Variants in WIPF3 observed in about 807,000 individuals in gnomAD.
The protein encoded by WIPF3 is WAS/WASL-interacting protein family member 3.
WIPF3 carries 33 observed loss-of-function variants against 38.9 expected under a neutral mutation model. The observed-to-expected ratio is 0.85, with a 90% CI of 0.64 to 1.14. The LOEUF is 1.14. Ranked by LOEUF, WIPF3 falls within the 50% of genes most tolerant of loss-of-function variation. The probability of loss-of-function intolerance (pLI) is 0.00; values close to 1 mark genes in which losing one functional copy is unlikely to be tolerated. For synonymous variants in WIPF3, 324 were observed against 269.3 expected (o/e 1.20, Z -1.99); for missense variants, 711 against 652.5 (o/e 1.09, Z -0.98).
At chr7:29,807,405 G>T (rs993534102) in intron 1 of WIPF3, among the ~76,000 whole-genome samples, 1 of 152,206 alleles carries the variant, frequency 6.6e-6, no homozygotes, top group Non-Finnish European at 1.5e-5. Flanking sequence ...TAGGTAGGTG[G>T]CAGAGCAGAT....
At chr7:29,881,569 A>AT (rs1423592214) in intron 4 of WIPF3, among the ~76,000 whole-genome samples, 7 of 152,252 alleles carry the variant, frequency 4.6e-5, no homozygotes, top group South Asian at 2.1e-4. Context: ...ATGAATATAA[A>AT]TATTTTTTTA....
chr7:29,898,070 C>G (rs1786191007), intron 7 of WIPF3, among the ~76,000 whole-genome samples: 1 of 152,220 alleles, frequency 6.6e-6, no homozygotes, highest in South Asian at 2.1e-4. Context: ...GCTTTCTCCC[C>G]TCAGCACCAT....
chr7:29,891,851 G>C (rs1786031390), intron 7 of WIPF3, among the ~76,000 whole-genome samples: 1 of 152,182 alleles, frequency 6.6e-6, no homozygotes, highest in South Asian at 2.1e-4. Context: ...CAGAGAGAGA[G>C]GGTCACAGTT....
intron 1 of WIPF3, among the ~76,000 whole-genome samples, chr7:29,807,997 AG>A (rs766378820): frequency 6.6e-5 from 10 of 152,026 alleles, no homozygotes; most frequent in Non-Finnish European, 8.8e-5. Context: ...AGGTCAGAGG[AG>A]AGGTTGTTTT....
intron 8 of WIPF3, among the ~76,000 whole-genome samples, chr7:29,910,350 T>C (rs1786482991): frequency 6.6e-6 from 1 of 152,156 alleles, no homozygotes; most frequent in Non-Finnish European, 1.5e-5. Context: ...CTGCCAAACG[T>C]TCAAAGAACT....
intron 1 of WIPF3, among the ~76,000 whole-genome samples, chr7:29,809,830 G>T (rs901939482): frequency 1.3e-5 from 2 of 152,216 alleles, no homozygotes; most frequent in Admixed American, 6.5e-5. Context: ...CATTATGTGG[G>T]CCAGGCACTG....
chr7:29,865,415 C>T (rs17374557), intron 2 of WIPF3, among the ~76,000 whole-genome samples: 18,161 of 152,140 alleles, frequency 0.12, 1,192 homozygotes, highest in Middle Eastern at 0.15. Context: ...TTCTTAATAA[C>T]GAGTGGGTAA....
intron 2 of WIPF3, among the ~76,000 whole-genome samples, chr7:29,871,929 T>C (rs539572212): frequency 3.2e-4 from 49 of 152,238 alleles, no homozygotes; most frequent in Non-Finnish European, 5.6e-4. Context: ...GCTGTCTTTT[T>C]TGAAGCTTGC....
chr7:29,820,581 C>T (rs1394740390), intron 1 of WIPF3, among the ~76,000 whole-genome samples: 1 of 152,028 alleles, frequency 6.6e-6, no homozygotes, highest in Non-Finnish European at 1.5e-5. Context: ...TAATAATTCT[C>T]TGTTGTTGTT....
chr7:29,896,869 A>T (rs1786156346), intron 7 of WIPF3, among the ~76,000 whole-genome samples: 1 of 152,222 alleles, frequency 6.6e-6, no homozygotes, highest in Non-Finnish European at 1.5e-5. Flanking sequence ...CTATCAACAG[A>T]TACTCACTGA....
At chr7:29,893,635 A>G (rs1397385511) in intron 7 of WIPF3, among the ~76,000 whole-genome samples, 1 of 152,204 alleles carries the variant, frequency 6.6e-6, no homozygotes, top group Non-Finnish European at 1.5e-5. Flanking sequence ...TTATACTGTC[A>G]CCAAGTTGTA....
intron 6 of WIPF3, among the ~76,000 whole-genome samples, 190 bp downstream of exon 6, chr7:29,888,407 CAT>C (rs2128077118): frequency 6.6e-6 from 1 of 152,238 alleles, no homozygotes; most frequent in East Asian, 1.9e-4. Flanking sequence ...AGGCTTTCTG[CAT>C]AGTTTCAAGG....
chr7:29,914,766 T>TAG lies in WIPF3; in HGVS notation c.*253_*254dup, dbSNP rs1404599540. On this transcript the variant is annotated 3_prime_UTR_variant, in exon 9 of 9. Coordinates refer to ENST00000242140, the MANE Select transcript of WIPF3 (RefSeq NM_001080529.3). ...GCATCTTGGCATTTGTCAGCACAGA[T>TAG]AGAGCCCTGTCCCTCCACCTAGTGC... 3.3e-6 allele frequency: 1 copy of TAG among 301,000 alleles called. No individual in the cohort carries two copies. Among genetic ancestry groups the TAG allele is most frequent in the Non-Finnish European group, 6.1e-6 (1 of 163,172 alleles). The allele number at this position is 301,000 out of a possible 1,614,324, so 18.6% of individuals were successfully genotyped here. A position where few individuals can be genotyped will look rare whatever the true frequency, so the allele number is the denominator to read the frequency against.
At chr7:29,822,074 C>T (rs1291104092) in intron 1 of WIPF3, among the ~76,000 whole-genome samples, 2 of 132,182 alleles carry the variant, frequency 1.5e-5, no homozygotes, top group African/African-American at 5.7e-5. Context: ...AATAAATGTT[C>T]TTTACTTATC....
At chr7:29,898,813 C>G (rs997640235) in intron 7 of WIPF3, among the ~76,000 whole-genome samples, 1 of 152,170 alleles carries the variant, frequency 6.6e-6, no homozygotes, top group African/African-American at 2.4e-5. Flanking sequence ...AATATACAAA[C>G]TATTTTTTAC....
Position 29,914,541 on chromosome 7 carries a change from G to A in WIPF3, c.*25G>A. The stretch of plus-strand genomic sequence containing the variant: ...AGAAGACAGATGAAGCGAAGGTCCT[G>A]GGGTTCCAGGTTGCAGAACAACATG... On this transcript the variant is annotated 3_prime_UTR_variant, in exon 9 of 9. Coordinates refer to ENST00000242140, the MANE Select transcript of WIPF3 (RefSeq NM_001080529.3). The A allele has an allele frequency of 6.7e-7, 1 of 1,501,642 alleles. No individual in the cohort carries two copies. Among genetic ancestry groups the A allele is most frequent in the South Asian group, 1.3e-5 (1 of 74,356 alleles). 93.0% of individuals were successfully genotyped at this position (1,501,642 alleles called of 1,614,324 possible).
At chr7:29,828,531 C>T (rs532224893) in intron 1 of WIPF3, among the ~76,000 whole-genome samples, 1 of 152,258 alleles carries the variant, frequency 6.6e-6, no homozygotes, top group East Asian at 1.9e-4. Flanking sequence ...AATTACATAC[C>T]CAGATTTCAA....
intron 8 of WIPF3, among the ~76,000 whole-genome samples, chr7:29,913,368 A>C (rs1207542189): frequency 6.7e-6 from 1 of 149,958 alleles, no homozygotes; most frequent in Non-Finnish European, 1.5e-5. Context: ...AAAAAAGGTT[A>C]CTAGTGTAAA....
At chr7:29,855,382 C>T (rs1405860879) in intron 2 of WIPF3, among the ~76,000 whole-genome samples, 1 of 152,202 alleles carries the variant, frequency 6.6e-6, no homozygotes, top group Non-Finnish European at 1.5e-5. Context: ...CTTCTAATGA[C>T]ATAAATTGCT....
Sources: allele counts gnomAD v4.1 joint callset (sites outside exome capture counted in the v4.1 genomes callset), GRCh38; gene constraint gnomAD v4.1.1; transcripts MANE v1.5; gene names NCBI Gene and HGNC (gene_info 2026-07-23, HGNC 2026-07-21).